GMDS: variants seen among roughly 807,000 people sequenced by gnomAD.
The protein encoded by GMDS is GDP-mannose 4,6-dehydratase.
A neutral mutation model predicts 49.9 loss-of-function variants in GMDS; 20 were observed. The ratio of observed to expected loss-of-function variants is 0.40; its 90% CI spans 0.28 to 0.58. The LOEUF is 0.58. GMDS is among the 20% of genes least tolerant of loss of function. GMDS has a pLI of 0.42. For synonymous variants in GMDS, 177 were observed against 178.6 expected (o/e 0.99, Z 0.07); for missense variants, 362 against 481.4 (o/e 0.75, Z 2.32).
At chr6:1,658,865 T>A (rs1399885146) in intron 9 of GMDS, among the ~76,000 whole-genome samples, 1 of 152,014 alleles carries the variant, frequency 6.6e-6, no homozygotes, top group Non-Finnish European at 1.5e-5. Context: ...GCAATGAGAG[T>A]TTGCTTAGAG....
chr6:1,774,041 T>C (rs1021481303), intron 7 of GMDS, among the ~76,000 whole-genome samples: 1 of 152,210 alleles, frequency 6.6e-6, no homozygotes, highest in Non-Finnish European at 1.5e-5. Flanking sequence ...AAAAATTAAT[T>C]GAAGAAAATC....
At chr6:1,889,230 A>G (rs1759759366) in intron 7 of GMDS, among the ~76,000 whole-genome samples, 1 of 152,096 alleles carries the variant, frequency 6.6e-6, no homozygotes, top group South Asian at 2.1e-4. Context: ...ATCTATATGA[A>G]AAACAGCGAC....
intron 7 of GMDS, among the ~76,000 whole-genome samples, chr6:1,921,362 C>T (rs1357704209): frequency 6.6e-6 from 1 of 152,174 alleles, no homozygotes; most frequent in Non-Finnish European, 1.5e-5. Context: ...ATACAGGTGT[C>T]TTTCATTAAA....
chr6:2,060,282 A>C (rs1443395852), intron 4 of GMDS, among the ~76,000 whole-genome samples: 1 of 152,184 alleles, frequency 6.6e-6, no homozygotes, highest in Non-Finnish European at 1.5e-5. Context: ...TGACTCCAGA[A>C]GAGGCCTCCA....
intron 1 of GMDS, among the ~76,000 whole-genome samples, chr6:2,222,993 TG>T (rs1780658831): frequency 6.6e-6 from 1 of 152,120 alleles, no homozygotes; most frequent in South Asian, 2.1e-4. Context: ...GCCTAGATGT[TG>T]GACTGGAGCT....
chr6:2,201,624 G>A (rs1336568602), intron 1 of GMDS, among the ~76,000 whole-genome samples: 7 of 131,704 alleles, frequency 5.3e-5, no homozygotes, highest in Non-Finnish European at 9.7e-5. Context: ...ATGGACATCC[G>A]AGATGAAACC....
At chr6:2,145,755 A>C (rs79934538) in intron 1 of GMDS, among the ~76,000 whole-genome samples, 6,180 of 152,254 alleles carry the variant, frequency 0.041, 254 homozygotes, top group South Asian at 0.13. Context: ...GATGATTTAA[A>C]GTATACGGAG....
intron 7 of GMDS, among the ~76,000 whole-genome samples, chr6:1,784,929 A>T (rs540979252): frequency 6.6e-6 from 1 of 152,350 alleles, no homozygotes; most frequent in South Asian, 2.1e-4. Context: ...ATTAGTTTTG[A>T]ACATTACTAT....
intron 1 of GMDS, among the ~76,000 whole-genome samples, chr6:2,189,651 C>T (rs1207448366): frequency 6.6e-6 from 1 of 152,174 alleles, no homozygotes; most frequent in African/African-American, 2.4e-5. Flanking sequence ...ACATCCAGAG[C>T]ATTTTTCTGG....
At chr6:1,754,844 A>G (rs1052823785) in intron 7 of GMDS, among the ~76,000 whole-genome samples, 1 of 152,144 alleles carries the variant, frequency 6.6e-6, no homozygotes, top group African/African-American at 2.4e-5. Flanking sequence ...CATGCTAAAA[A>G]CTCTCAATAA....
At chr6:2,013,929 T>TATATATATATATATATATAC (rs1484371076) in intron 4 of GMDS, among the ~76,000 whole-genome samples, 34 of 6,868 alleles carry the variant, frequency 5.0e-3, no homozygotes, top group African/African-American at 6.5e-3. Flanking sequence ...AAAAACCATA[T>TATATATATATATATATATAC]ATATATATAT....
At chr6:2,244,911 C>A (rs956896060) in intron 1 of GMDS, among the ~76,000 whole-genome samples, 1 of 152,152 alleles carries the variant, frequency 6.6e-6, no homozygotes, top group Non-Finnish European at 1.5e-5. Flanking sequence ...CCCCTTGAGC[C>A]GAGACACATC....
At chr6:1,743,945 T>C (rs1331186405) in intron 7 of GMDS, among the ~76,000 whole-genome samples, 1 of 152,188 alleles carries the variant, frequency 6.6e-6, no homozygotes, top group Admixed American at 6.5e-5. Flanking sequence ...CAATGATATG[T>C]GCATTGAACT....
rs531814348 is a variant in GMDS, at chr6:1,696,549, G to A, written c.987+29867C>T. On this transcript the variant is annotated intron_variant, in intron 9 of 10. Transcript: ENST00000380815. ...ACACATATATGCTCACAGGGACAGC[G>A]CTTTCACACGTTACTGACAGCTTCA... 3.3e-5 allele frequency among the ~76,000 whole-genome samples: 5 copies of A among 152,324 alleles called. No individual in the cohort carries two copies. In the East Asian group the frequency reaches 7.7e-4, roughly 23 times the overall value.
chr6:1,802,275 G>A (rs932164927), intron 7 of GMDS, among the ~76,000 whole-genome samples: 5 of 152,116 alleles, frequency 3.3e-5, no homozygotes, highest in African/African-American at 1.2e-4. Flanking sequence ...GTTAGTCTGG[G>A]ATCTTGCCTA....
intron 8 of GMDS, among the ~76,000 whole-genome samples, chr6:1,736,689 T>C (rs1047687757): frequency 1.3e-5 from 2 of 152,168 alleles, no homozygotes; most frequent in Admixed American, 1.3e-4. Context: ...GGATCAACGG[T>C]GGCTGGTCTA....
chr6:1,741,196 A>G (rs1236599625), intron 8 of GMDS, among the ~76,000 whole-genome samples: 2 of 152,156 alleles, frequency 1.3e-5, no homozygotes, highest in Non-Finnish European at 2.9e-5. Context: ...CAACATTAAA[A>G]ATTCTCTCTT....
chr6:1,951,797 TA>T, intron 6 of GMDS: 1 of 588,446 alleles, frequency 1.7e-6, no homozygotes, highest in Non-Finnish European at 2.1e-6. Flanking sequence ...TCTAATATTA[TA>T]AAACTATGTT....
chr6:1,905,031 A>G (rs770089155), intron 7 of GMDS, among the ~76,000 whole-genome samples: 5 of 152,258 alleles, frequency 3.3e-5, no homozygotes, highest in Non-Finnish European at 7.3e-5. Context: ...GCATGGCCCA[A>G]GCAAGTAAGA....
Sources: allele counts gnomAD v4.1 joint callset (sites outside exome capture counted in the v4.1 genomes callset), GRCh38; gene constraint gnomAD v4.1.1; transcripts MANE v1.5; gene names NCBI Gene and HGNC (gene_info 2026-07-23, HGNC 2026-07-21).